Variants in COL19A1 observed in about 807,000 individuals in gnomAD.
COL19A1 encodes collagen alpha-1(XIX) chain.
Under a neutral mutation model 190.2 loss-of-function variants are expected in COL19A1, and 159 were observed. That is an observed-to-expected ratio of 0.84 (90% CI 0.73 to 0.95). The LOEUF is 0.95. Ranked by LOEUF, COL19A1 falls within the 40% of genes least tolerant of loss-of-function variation. The pLI is 0.00. For missense variants in COL19A1, 1,418 were observed against 1,431.9 expected, an observed-to-expected ratio of 0.99 and a Z score of 0.16; for synonymous variants, 509 against 458.9, an observed-to-expected ratio of 1.11 and a Z score of -1.39.
At chr6:69,970,301 C>T (rs1433195467) in intron 11 of COL19A1, among the ~76,000 whole-genome samples, 2 of 152,014 alleles carry the variant, frequency 1.3e-5, no homozygotes, top group African/African-American at 4.8e-5. Context: ...GTGGGACTTG[C>T]AGACTGTGTC....
intron 15 of COL19A1, among the ~76,000 whole-genome samples, chr6:70,085,356 G>A (rs150845856): frequency 6.6e-6 from 1 of 152,282 alleles, no homozygotes; most frequent in East Asian, 1.9e-4. Flanking sequence ...TCTGCTAAAT[G>A]GAGCTCTGTC....
At chr6:70,098,486 T>A (rs969957249) in intron 15 of COL19A1, 1 of 499,580 alleles carries the variant, frequency 2.0e-6, no homozygotes, top group Non-Finnish European at 4.0e-6. Flanking sequence ...AATATTCAGG[T>A]GCCTCATTCG....
In COL19A1 at chr6:70,211,774, A is replaced by G. The variant is rs1393917666; in HGVS notation, c.*4500A>G. 1.3e-5 allele frequency among the ~76,000 whole-genome samples: 2 copies of G among 152,022 alleles called. No homozygotes were observed. The highest frequency in any genetic ancestry group is 2.9e-5 in the Non-Finnish European group (2 of 67,986). ...CAAAATAATGCTAGAGTAACTGATC[A>G]ATTTGGTTAAATTGAATGAAGAACC... On this transcript the variant is annotated 3_prime_UTR_variant, in exon 51 of 51. Coordinates refer to ENST00000620364, the MANE Select transcript of COL19A1 (RefSeq NM_001858.6).
At chr6:70,070,556 C>A (rs1781488144) in intron 15 of COL19A1, among the ~76,000 whole-genome samples, 1 of 152,090 alleles carries the variant, frequency 6.6e-6, no homozygotes, top group Non-Finnish European at 1.5e-5. Flanking sequence ...TCCACATTTA[C>A]AAATAATTAT....
At chr6:69,905,584 G>A (rs1770498923) in intron 4 of COL19A1, among the ~76,000 whole-genome samples, 1 of 152,220 alleles carries the variant, frequency 6.6e-6, no homozygotes, top group South Asian at 2.1e-4. Context: ...GACAATAGTG[G>A]CGTAGGGCCA....
rs1019626791 is a variant in COL19A1 at position 70,165,058 on chromosome 6, C to T, written c.2401-883C>T. On this transcript the variant is annotated intron_variant, in intron 36 of 50. Transcript: ENST00000620364. ...ATTGTGAGTAGAAATTTTACTCTAT[C>T]TGAATTCTTTTTTAATTAACCATGT... 3.3e-5 allele frequency among the ~76,000 whole-genome samples: 5 copies of T among 152,234 alleles called. No individual in the cohort carries two copies. In the South Asian group the frequency reaches 1.0e-3, roughly 32 times the overall value.
At chr6:70,108,777 C>T (rs1470032789) in intron 16 of COL19A1, among the ~76,000 whole-genome samples, 2 of 152,060 alleles carry the variant, frequency 1.3e-5, no homozygotes, top group Non-Finnish European at 2.9e-5. Flanking sequence ...ACATATGCTT[C>T]TTTTCTAAAA....
chr6:70,145,213 G>T (rs890558808), intron 25 of COL19A1, among the ~76,000 whole-genome samples: 1 of 152,068 alleles, frequency 6.6e-6, no homozygotes, highest in Non-Finnish European at 1.5e-5. Context: ...CTACAAAAAA[G>T]ACAGATGTAT....
In COL19A1 at chr6:70,130,190, T is replaced by C; in HGVS notation, c.1350T>C (p.Asp450=). ...GYYNKDNKGN[D]EHEAGGLKGD... ...TTGTTTTTCACCCCTAGGGAAATGA[T>C]GAACATGAAGCTGGAGGCCTGAAAG... The change falls in exon 18 of 51, where the codon GAT becomes GAC. Residue 450 remains aspartate, a synonymous_variant. Transcript: ENST00000620364. The C allele has an allele frequency of 1.9e-6, 3 of 1,612,308 alleles. No homozygotes were observed. Among genetic ancestry groups the C allele is most frequent in the Non-Finnish European group, 2.5e-6 (3 of 1,179,528 alleles).
chr6:70,172,502 G>A (rs1765556911), intron 41 of COL19A1, among the ~76,000 whole-genome samples: 1 of 152,130 alleles, frequency 6.6e-6, no homozygotes, highest in African/African-American at 2.4e-5. Flanking sequence ...AAGTGGCCTT[G>A]TCATATAGAG....
chr6:69,998,441 T>C (rs1055024167), intron 11 of COL19A1, among the ~76,000 whole-genome samples: 2 of 151,814 alleles, frequency 1.3e-5, no homozygotes, highest in Non-Finnish European at 2.9e-5. Context: ...GATCAGGAGT[T>C]CGAGACCAGC....
chr6:69,921,831 C>T (rs139951768), intron 4 of COL19A1, among the ~76,000 whole-genome samples: 5 of 149,834 alleles, frequency 3.3e-5, no homozygotes, highest in African/African-American at 4.9e-5. Flanking sequence ...TATATATATT[C>T]GTATGTAGAT....
intron 16 of COL19A1, among the ~76,000 whole-genome samples, chr6:70,104,500 G>A (rs1208907883): frequency 6.6e-6 from 1 of 152,092 alleles, no homozygotes; most frequent in Non-Finnish European, 1.5e-5. Context: ...CCACCCTCTT[G>A]ACCCAATCAC....
At chr6:70,147,079 T>C (rs1353215564) in intron 27 of COL19A1, among the ~76,000 whole-genome samples, 190 bp downstream of exon 27, 1 of 152,204 alleles carries the variant, frequency 6.6e-6, no homozygotes, top group East Asian at 1.9e-4. Context: ...GTTTGTTTAT[T>C]AACTTACAGA....
chr6:70,092,060 G>A (rs1417750714), intron 15 of COL19A1, among the ~76,000 whole-genome samples: 1 of 152,076 alleles, frequency 6.6e-6, no homozygotes, highest in East Asian at 1.9e-4. Context: ...AATCATGCAA[G>A]AAAAAGAAGT....
In COL19A1 at chr6:69,929,434, G is replaced by C. The variant is rs745758670; in HGVS notation, c.400G>C (p.Val134Leu). The change falls in exon 6 of 51, where the codon GTA becomes CTA. Residue 134 changes from valine to leucine, a missense_variant. Coordinates refer to ENST00000620364, the MANE Select transcript of COL19A1 (RefSeq NM_001858.6). ...NQQNIPQISIVVDGGKKVVEF... is the reference protein window; with the variant it reads ...NQQNIPQISILVDGGKKVVEF... ...CTTTACATTTTTGCAGATTTCTATAGTAGTTGATGGTGGAAAGAAGGTGGT... is the reference window on the plus strand; with the variant it reads ...CTTTACATTTTTGCAGATTTCTATACTAGTTGATGGTGGAAAGAAGGTGGT... 6.2e-7 allele frequency: 1 copy of C among 1,613,664 alleles called. No individual in the cohort carries two copies. Among genetic ancestry groups the C allele is most frequent in the Non-Finnish European group, 8.5e-7 (1 of 1,179,806 alleles).
chr6:70,109,233 T>A (rs1405107416), intron 16 of COL19A1, among the ~76,000 whole-genome samples: 1 of 152,078 alleles, frequency 6.6e-6, no homozygotes, highest in Non-Finnish European at 1.5e-5. Context: ...CTCATTACCA[T>A]CTAATTGAGG....
chr6:69,976,325 A>G (rs879088833), intron 11 of COL19A1, among the ~76,000 whole-genome samples: 3 of 152,226 alleles, frequency 2.0e-5, no homozygotes, highest in Admixed American at 1.3e-4. Flanking sequence ...GATGCCGACT[A>G]TAATCCAATA....
Position 69,960,045 on chromosome 6 carries a change from A to G in COL19A1, c.981+5A>G, listed in dbSNP as rs796303956. 2.5e-6 allele frequency: 4 copies of G among 1,611,840 alleles called. No individual in the cohort carries two copies. The highest frequency in any genetic ancestry group is 2.7e-5 in the African/African-American group (2 of 74,922). ...CCAGGATTCCCTGGTCAAAAGGTAA[A>G]GAGTTCTTGAATGTTTCATCTGAGT... On this transcript the variant is annotated splice_donor_5th_base_variant and intron_variant, in intron 10 of 50. Transcript: ENST00000620364.
Sources: allele counts gnomAD v4.1 joint callset (sites outside exome capture counted in the v4.1 genomes callset), GRCh38; gene constraint gnomAD v4.1.1; transcripts MANE v1.5; gene names NCBI Gene and HGNC (gene_info 2026-07-23, HGNC 2026-07-21).